Variants in MFAP3L observed in about 807,000 individuals in gnomAD.
The protein encoded by MFAP3L is microfibrillar-associated protein 3-like.
Under a neutral mutation model 20.0 loss-of-function variants are expected in MFAP3L, and 5 were observed. The observed-to-expected ratio is 0.25, with a 90% CI of 0.13 to 0.53. The LOEUF is 0.53. Ranked by LOEUF, MFAP3L falls within the 20% of genes least tolerant of loss-of-function variation. MFAP3L has a pLI of 0.96. For missense variants in MFAP3L, 409 were observed against 527.5 expected (o/e 0.78, Z 2.20); for synonymous variants, 219 against 213.0 (o/e 1.03, Z -0.25).
chr4:169,997,488 G>C (rs943835002), intron 2 of MFAP3L, among the ~76,000 whole-genome samples: 2 of 151,880 alleles, frequency 1.3e-5, no homozygotes, highest in African/African-American at 4.8e-5. Flanking sequence ...AAACCCAAAA[G>C]AAAAAATGGG....
intron 1 of MFAP3L, among the ~76,000 whole-genome samples, chr4:170,020,532 G>C (rs1739961829): frequency 1.3e-5 from 2 of 152,058 alleles, no homozygotes; most frequent in South Asian, 4.2e-4. Context: ...TCAACAGTGT[G>C]AAACTCAAGT....
Position 170,015,311 on chromosome 4 carries a change from G to A in MFAP3L, c.-133-9301C>T, listed in dbSNP as rs138561742. Among the ~76,000 whole-genome samples the A allele has an allele frequency of 2.1e-3, 327 of 152,302 alleles. 1 individual carries two copies. Among genetic ancestry groups the A allele is most frequent in the African/African-American group, 7.5e-3 (313 of 41,562 alleles). The stretch of plus-strand genomic sequence containing the variant: ...GTCCTTTCCAAATCTATCATAGTAT[G>A]ATCATGACAACCAGGAGTAAGACTG... On this transcript the variant is annotated intron_variant, in intron 1 of 2. Transcript: ENST00000361618.
chr4:170,001,985 A>G, intron 2 of MFAP3L: 1 of 985,470 alleles, frequency 1.0e-6, no homozygotes, highest in Non-Finnish European at 1.2e-6. Flanking sequence ...GAAACGAGAC[A>G]TGAAATTGCT....
At chr4:170,006,071 C>T in intron 1 of MFAP3L, 61 bp from the exon 2 acceptor site, 1 of 1,267,462 alleles carries the variant, frequency 7.9e-7, no homozygotes, top group Non-Finnish European at 1.0e-6. Context: ...ATTCAAAACA[C>T]TATAAACGGT....
intron 1 of MFAP3L, among the ~76,000 whole-genome samples, chr4:170,019,030 A>T (rs1451047492): frequency 6.6e-6 from 1 of 152,226 alleles, no homozygotes; most frequent in African/African-American, 2.4e-5. Context: ...ACCTAACAGG[A>T]GGTGCTGGGA....
chr4:170,021,856 C>T (rs1013118278), intron 1 of MFAP3L, among the ~76,000 whole-genome samples: 1 of 152,194 alleles, frequency 6.6e-6, no homozygotes, highest in African/African-American at 2.4e-5. Context: ...CCACATCCCC[C>T]AACACCAACG....
intron 1 of MFAP3L, among the ~76,000 whole-genome samples, chr4:170,020,802 A>G (rs1390539923): frequency 4.6e-5 from 7 of 152,004 alleles, no homozygotes; most frequent in Non-Finnish European, 7.4e-5. Flanking sequence ...GTCTTGGTTC[A>G]AAAGCCCTCC....
intron 2 of MFAP3L, among the ~76,000 whole-genome samples, chr4:169,994,035 T>C (rs1737946023): frequency 6.6e-6 from 1 of 152,180 alleles, no homozygotes; most frequent in Admixed American, 6.5e-5. Context: ...GAAAGTTACC[T>C]TGTCAATTTA....
chr4:169,990,545 C>T lies in MFAP3L; in HGVS notation c.*833G>A, dbSNP rs564653916. ...TCATGGGTGGTGTGGGTATATTTAACCTTTTACAATCTCCCTCTACATCTC... is the reference window on the plus strand; with the variant it reads ...TCATGGGTGGTGTGGGTATATTTAATCTTTTACAATCTCCCTCTACATCTC... On this transcript the variant is annotated 3_prime_UTR_variant, in exon 3 of 3. Transcript: ENST00000361618. The T allele has an allele frequency of 6.5e-6, 1 of 152,726 alleles. No homozygotes were observed. The highest frequency in any genetic ancestry group is 2.1e-4 in the South Asian group (1 of 4,822). The allele number at this position is 152,726 out of a possible 1,614,324, so 9.5% of individuals were successfully genotyped here.
intron 1 of MFAP3L, among the ~76,000 whole-genome samples, chr4:170,010,297 C>T (rs964457735): frequency 6.6e-6 from 1 of 152,006 alleles, no homozygotes; most frequent in African/African-American, 2.4e-5. Context: ...TTTTCTTTTG[C>T]GATTAAAAAA....
At position 169,988,476 on chromosome 4, in the gene MFAP3L, G is replaced by A. The variant is rs557776020; in HGVS notation, c.*2902C>T. On this transcript the variant is annotated 3_prime_UTR_variant, in exon 3 of 3. Transcript: ENST00000361618. ...AACGACTACATACGACCCAAAGGAC[G>A]AGGCTTTGGATTTAGTGTGAAGCTT... is the stretch of plus-strand genomic sequence containing the variant. 5.9e-5 allele frequency: 9 copies of A among 152,182 alleles called. No individual in the cohort carries two copies. Among genetic ancestry groups the A allele is most frequent in the Admixed American group, 4.6e-4 (7 of 15,280 alleles). 9.4% of individuals were successfully genotyped at this position (152,182 alleles called of 1,614,324 possible). A position where few individuals can be genotyped will look rare whatever the true frequency, so the allele number is the denominator to read the frequency against.
At chr4:170,001,565 A>C (rs905419731) in intron 2 of MFAP3L, among the ~76,000 whole-genome samples, 6 of 152,230 alleles carry the variant, frequency 3.9e-5, no homozygotes, top group Non-Finnish European at 7.3e-5. Context: ...GAGAGGTGCT[A>C]ATGTTAATGT....
At chr4:170,026,396 G>A (rs1204940659), upstream of MFAP3L, 14 of 631,056 alleles carry the variant, frequency 2.2e-5, no homozygotes, top group Non-Finnish European at 2.6e-5. Flanking sequence ...GCCGCCGGCT[G>A]CCGGGAGCGC....
In MFAP3L at chr4:169,989,604, A is replaced by G. The variant is rs1737515782; in HGVS notation, c.*1774T>C. On this transcript the variant is annotated 3_prime_UTR_variant, in exon 3 of 3. Coordinates refer to ENST00000361618, the MANE Select transcript of MFAP3L (RefSeq NM_021647.8). ...CCTGCATATTTTACAGATGAAAAAG[A>G]TTAAATCCCAGAGAGAGGAAGGGAG... 6.6e-6 allele frequency: 1 copy of G among 152,154 alleles called. No individual in the cohort carries two copies. 9.4% of individuals were successfully genotyped at this position (152,154 alleles called of 1,614,324 possible).
At chr4:170,003,894 C>G (rs541091549) in intron 2 of MFAP3L, 362 of 964,538 alleles carry the variant, frequency 3.8e-4, no homozygotes, top group Non-Finnish European at 4.4e-4. Flanking sequence ...GGAACCAAAA[C>G]CAGTGTGGGC....
intron 2 of MFAP3L, chr4:169,993,510 A>G (rs1737898183): frequency 6.6e-6 from 1 of 152,184 alleles, no homozygotes; most frequent in African/African-American, 2.4e-5. Context: ...TATTTCCCAA[A>G]AGCAACTCTT....
intron 2 of MFAP3L, among the ~76,000 whole-genome samples, chr4:169,996,620 C>T (rs1203475791): frequency 6.6e-6 from 1 of 152,092 alleles, no homozygotes; most frequent in Non-Finnish European, 1.5e-5. Context: ...CTTTTGAGGT[C>T]ACAGGGAGCA....
At chr4:169,995,588 T>G (rs895112090) in intron 2 of MFAP3L, among the ~76,000 whole-genome samples, 7 of 152,240 alleles carry the variant, frequency 4.6e-5, no homozygotes, top group African/African-American at 1.7e-4. Context: ...ACGTTCTTGC[T>G]GCTGCACATT....
Position 170,017,896 on chromosome 4 carries a change from C to T in MFAP3L, c.-134+8338G>A, listed in dbSNP as rs146701741. 1.2e-3 allele frequency among the ~76,000 whole-genome samples: 178 copies of T among 152,304 alleles called. 2 individuals are homozygous for T. In the East Asian group the frequency reaches 0.029, roughly 25 times the overall value. On this transcript the variant is annotated intron_variant, in intron 1 of 2. Transcript: ENST00000361618. ...AGCACACTTTCCAGGTGATCTCTCC[C>T]ATCTCTCCGCTGGGTAGTCACCTTT...
Sources: gnomAD v4.1 joint callset for allele counts (sites outside exome capture counted in the v4.1 genomes callset) on GRCh38, gnomAD v4.1.1 for gene constraint, MANE v1.5 for transcripts, NCBI Gene and HGNC (gene_info 2026-07-23, HGNC 2026-07-21) for gene names.